AKAP6: variants seen among roughly 807,000 people sequenced by gnomAD.
AKAP6 encodes A-kinase anchoring protein 6, also known as A-kinase anchor protein 6.
A neutral mutation model predicts 188.5 loss-of-function variants in AKAP6; 58 were observed. That is an observed-to-expected ratio of 0.31 (90% confidence interval 0.25 to 0.38). AKAP6 has a LOEUF of 0.38. AKAP6 is among the 10% of genes least tolerant of loss of function. The probability of loss-of-function intolerance (pLI) is 1.00; values close to 1 mark genes in which losing one functional copy is unlikely to be tolerated. For synonymous variants in AKAP6, 989 were observed against 998.6 expected, an observed-to-expected ratio of 0.99 and a Z score of 0.18; for missense variants, 2,710 against 2,740.0, an observed-to-expected ratio of 0.99 and a Z score of 0.24.
chr14:32,609,340 CAG>C (rs1486020878), intron 7 of AKAP6, among the ~76,000 whole-genome samples: 1 of 152,152 alleles, frequency 6.6e-6, no homozygotes, highest in African/African-American at 2.4e-5. Flanking sequence ...CTGCCAGAGA[CAG>C]AGTGTTTTTT....
chr14:32,761,847 G>A (rs1480309911), intron 11 of AKAP6, among the ~76,000 whole-genome samples: 1 of 152,004 alleles, frequency 6.6e-6, no homozygotes, highest in Non-Finnish European at 1.5e-5. Context: ...GAATACCCAA[G>A]ATCTATTAAA....
chr14:32,550,246 A>T (rs1261101544), intron 4 of AKAP6, among the ~76,000 whole-genome samples: 1 of 152,232 alleles, frequency 6.6e-6, no homozygotes, highest in Admixed American at 6.5e-5. Context: ...TAATAGAAGG[A>T]AACATTTGGA....
chr14:32,567,130 A>G (rs147260774), intron 4 of AKAP6, among the ~76,000 whole-genome samples: 88 of 152,262 alleles, frequency 5.8e-4, no homozygotes, highest in African/African-American at 2.0e-3. Flanking sequence ...CATATTGCCC[A>G]GGCTGGTCTC....
chr14:32,378,753 A>G (rs1888239943), intron 1 of AKAP6, among the ~76,000 whole-genome samples: 1 of 152,178 alleles, frequency 6.6e-6, no homozygotes, highest in Non-Finnish European at 1.5e-5. Context: ...ATAGCTGGGG[A>G]AAAATAATAC....
intron 10 of AKAP6, chr14:32,733,858 A>G (rs1040140882): frequency 4.6e-5 from 7 of 152,170 alleles, no homozygotes; most frequent in African/African-American, 2.4e-5. Context: ...TACTACATAG[A>G]TAAGAATGGC....
In AKAP6 at chr14:32,535,592, C is replaced by T. The variant is rs1434902249; in HGVS notation, c.363C>T (p.Ile121=). The T allele has an allele frequency of 6.2e-7, 1 of 1,614,128 alleles. No individual in the cohort carries two copies. The highest frequency in any genetic ancestry group is 8.5e-7 in the Non-Finnish European group (1 of 1,179,962). ...CEDISDHVEQ[I]HALLETEFSL... ...ATATTTCTGATCATGTTGAGCAAAT[C>T]CATGCCCTCCTTGAAACAGAGTTCT... is the stretch of plus-strand genomic sequence containing the variant. The change falls in exon 3 of 14, where the codon ATC becomes ATT. Residue 121 remains isoleucine, a synonymous_variant. Coordinates refer to ENST00000280979, the MANE Select transcript of AKAP6 (RefSeq NM_004274.5).
At chr14:32,413,243 G>A (rs1355599111) in intron 1 of AKAP6, among the ~76,000 whole-genome samples, 2 of 146,172 alleles carry the variant, frequency 1.4e-5, no homozygotes, top group Admixed American at 1.4e-4. Context: ...GTTCAGTGGT[G>A]GGATCATGAT....
In AKAP6 at chr14:32,724,705, T is replaced by C. The variant is rs376303317; in HGVS notation, c.3001-7749T>C. 2.3e-4 allele frequency among the ~76,000 whole-genome samples: 35 copies of C among 152,168 alleles called. No homozygotes were observed. In the East Asian group the frequency reaches 5.4e-3, roughly 24 times the overall value. ...ACTTCAAAACAGGCAAAATTTATAA[T>C]AGAGTCAAATCAGGACTGAATGCAT... On this transcript the variant is annotated intron_variant, in intron 9 of 13. Coordinates refer to ENST00000280979, the MANE Select transcript of AKAP6 (RefSeq NM_004274.5).
In AKAP6 at chr14:32,822,281, G is replaced by A. The variant is rs374979745; in HGVS notation, c.4468G>A (p.Glu1490Lys). 2.2e-5 allele frequency: 35 copies of A among 1,613,668 alleles called. No homozygotes were observed. Among genetic ancestry groups the A allele is most frequent in the East Asian group, 4.5e-5 (2 of 44,864 alleles). ...AATGATAATGAAACAGTCACAAAGC[G>A]AAAAAGCGCATGTGGAGGATCCCCT... ...LPMIMKQSQS[E>K]KAHVEDPLLR... The change falls in exon 13 of 14, where the codon GAA becomes AAA. Residue 1490 changes from glutamate to lysine, a missense_variant. Coordinates refer to ENST00000280979, the MANE Select transcript of AKAP6 (RefSeq NM_004274.5).
At chr14:32,746,158 C>G (rs2031901812) in intron 11 of AKAP6, among the ~76,000 whole-genome samples, 1 of 152,082 alleles carries the variant, frequency 6.6e-6, no homozygotes, top group African/African-American at 2.4e-5. Context: ...TGTTACTCTA[C>G]CCCTCTGTAG....
chr14:32,430,717 C>A (rs1486973515), intron 1 of AKAP6, among the ~76,000 whole-genome samples: 2 of 152,086 alleles, frequency 1.3e-5, no homozygotes, highest in Non-Finnish European at 2.9e-5. Flanking sequence ...ACCTAGAAAC[C>A]TTATTAACCT....
chr14:32,704,273 A>C (rs370352771), intron 9 of AKAP6, among the ~76,000 whole-genome samples: 3 of 152,302 alleles, frequency 2.0e-5, no homozygotes, highest in East Asian at 3.9e-4. Flanking sequence ...GTTGCAAAAA[A>C]TTTCAGCCTT....
chr14:32,733,185 C>A, intron 10 of AKAP6: 1 of 156,150 alleles, frequency 6.4e-6, no homozygotes, highest in Non-Finnish European at 1.4e-5. Flanking sequence ...TCATTTCACG[C>A]AATGATGGGC....
intron 11 of AKAP6, among the ~76,000 whole-genome samples, chr14:32,752,839 G>A (rs1248934446): frequency 6.6e-6 from 1 of 152,108 alleles, no homozygotes; most frequent in African/African-American, 2.4e-5. Context: ...GTTCATCCAT[G>A]TTGTCACAAA....
chr14:32,786,087 G>T (rs2033391860), intron 12 of AKAP6, among the ~76,000 whole-genome samples: 1 of 151,900 alleles, frequency 6.6e-6, no homozygotes, highest in South Asian at 2.1e-4. Flanking sequence ...GTGCATCTGG[G>T]GAGACAGTAA....
intron 7 of AKAP6, among the ~76,000 whole-genome samples, chr14:32,636,460 A>G (rs1424907354): frequency 6.6e-6 from 1 of 152,108 alleles, no homozygotes; most frequent in Non-Finnish European, 1.5e-5. Flanking sequence ...GAGTTCTTCT[A>G]TATAGATAGG....
At chr14:32,814,885 T>C (rs541025095) in intron 12 of AKAP6, among the ~76,000 whole-genome samples, 2 of 152,254 alleles carry the variant, frequency 1.3e-5, no homozygotes, top group African/African-American at 4.8e-5. Flanking sequence ...TGTGCCACCA[T>C]GCCTGGGCAA....
At chr14:32,548,529 A>AATAGATAGATAGATAG (rs71115083) in intron 4 of AKAP6, among the ~76,000 whole-genome samples, 3 of 142,480 alleles carry the variant, frequency 2.1e-5, no homozygotes, top group Non-Finnish European at 4.5e-5. Context: ...CTCAAGCTAA[A>AATAGATAGATAGATAG]ATAGATAGAT....
rs949764597 is a variant in AKAP6, at chr14:32,568,233, C to T, written c.2347-8887C>T. Among the ~76,000 whole-genome samples the T allele has an allele frequency of 1.3e-5, 2 of 152,110 alleles. No homozygotes were observed. Among genetic ancestry groups the T allele is most frequent in the African/African-American group, 4.8e-5 (2 of 41,410 alleles). On this transcript the variant is annotated intron_variant, in intron 4 of 13. Transcript: ENST00000280979. The surrounding 1 kb of genome is among the most constrained non-coding windows in gnomAD (Gnocchi z 6.2). ...CTCTATGGACTTTGTGGGAACAAAT[C>T]TGGTTAGAGAGAGAATATAGCACAG... is the stretch of plus-strand genomic sequence containing the variant.
Sources: gnomAD v4.1 joint callset for allele counts (sites outside exome capture counted in the v4.1 genomes callset) on GRCh38, gnomAD v4.1.1 for gene constraint, Gnocchi (gnomAD v3.1) non-coding constraint, MANE v1.5 for transcripts, NCBI Gene and HGNC (gene_info 2026-07-23, HGNC 2026-07-21) for gene names.